Variants in CCSER1 observed in about 807,000 individuals in gnomAD.
CCSER1 encodes the protein serine-rich coiled-coil domain-containing protein 1.
Under a neutral mutation model 82.0 loss-of-function variants are expected in CCSER1, and 41 were observed. That is an observed-to-expected ratio of 0.50 (90% CI 0.39 to 0.65). The LOEUF is 0.65. Among genes scored for constraint, CCSER1 ranks in the 30% least tolerant of loss-of-function variants. The pLI, the probability that CCSER1 is intolerant of heterozygous loss-of-function variation, is 0.00. For synonymous variants in CCSER1, 414 were observed against 383.9 expected (o/e 1.08, Z -0.92); for missense variants, 1,119 against 1,064.2 (o/e 1.05, Z -0.72).
chr4:90,782,755 C>G (rs1753968199), intron 7 of CCSER1, among the ~76,000 whole-genome samples: 2 of 144,530 alleles, frequency 1.4e-5, no homozygotes, highest in African/African-American at 2.6e-5. Flanking sequence ...AATCTTGGCT[C>G]ACTGCAAGCT....
At position 90,768,548 on chromosome 4, in the gene CCSER1, C is replaced by G. The variant is rs916157183; in HGVS notation, c.2010+44557C>G. 2.6e-5 allele frequency among the ~76,000 whole-genome samples: 4 copies of G among 152,144 alleles called. No homozygotes were observed. The East Asian group carries it at 7.7e-4, about 29-fold the overall frequency. On this transcript the variant is annotated intron_variant, in intron 7 of 10. Transcript: ENST00000509176. Reference sequence around the variant, plus strand: ...TGAAGGTAACTTTGGATCTGGTCAGCAGATTTCAAGGAGAATGTTAGTGAA... The same window carrying G: ...TGAAGGTAACTTTGGATCTGGTCAGGAGATTTCAAGGAGAATGTTAGTGAA...
chr4:91,462,572 C>T (rs1054434076), intron 10 of CCSER1, among the ~76,000 whole-genome samples: 5 of 152,164 alleles, frequency 3.3e-5, no homozygotes, highest in Admixed American at 2.6e-4. Flanking sequence ...TCGCCTCACC[C>T]GGGAAGTGCA....
At position 90,308,521 on chromosome 4, in the gene CCSER1, G is replaced by A. The variant is rs780045278; in HGVS notation, c.237G>A (p.Lys79=). 4 of 1,613,940 alleles carry A rather than the reference G, an allele frequency of 2.5e-6. No homozygotes were observed. Among genetic ancestry groups the A allele is most frequent in the Admixed American group, 3.3e-5 (2 of 60,002 alleles). ...ACCATAAGAAGGGGAGTGAGCCTAAGCAAGAGCCTACCAACCAGAACCTTA... is the reference window on the plus strand; with the variant it reads ...ACCATAAGAAGGGGAGTGAGCCTAAACAAGAGCCTACCAACCAGAACCTTA... The part of the protein sequence containing the change: ...SFHHKKGSEP[K]QEPTNQNLSI... The change falls in exon 2 of 11, where the codon AAG becomes AAA. Residue 79 remains lysine (K), a synonymous_variant. Coordinates refer to ENST00000509176, the MANE Select transcript of CCSER1 (RefSeq NM_001145065.2).
chr4:90,435,186 G>T (rs536282598), intron 4 of CCSER1, among the ~76,000 whole-genome samples: 7 of 152,078 alleles, frequency 4.6e-5, no homozygotes, highest in Admixed American at 4.6e-4. Flanking sequence ...ATATATATGC[G>T]TGAAGAATAG....
chr4:90,530,616 T>A (rs574640182), intron 5 of CCSER1, among the ~76,000 whole-genome samples: 16 of 152,166 alleles, frequency 1.1e-4, no homozygotes, highest in Non-Finnish European at 1.9e-4. Context: ...GTGCCACCCA[T>A]TTTTACATCA....
chr4:91,081,935 C>T (rs1338009873), intron 9 of CCSER1, among the ~76,000 whole-genome samples: 2 of 152,158 alleles, frequency 1.3e-5, no homozygotes, highest in African/African-American at 2.4e-5. Flanking sequence ...AATGGAAGAA[C>T]ATTCCATGCT....
At chr4:90,755,145 A>G (rs1361092698) in intron 7 of CCSER1, among the ~76,000 whole-genome samples, 1 of 152,182 alleles carries the variant, frequency 6.6e-6, no homozygotes, top group Non-Finnish European at 1.5e-5. Flanking sequence ...GCCAAACTTC[A>G]CTGCAAATAA....
chr4:90,970,137 T>C (rs913254172), intron 9 of CCSER1, among the ~76,000 whole-genome samples: 8 of 151,962 alleles, frequency 5.3e-5, no homozygotes, highest in African/African-American at 1.9e-4. Context: ...TGGATTAAGC[T>C]TTCCAGTAAA....
chr4:91,161,450 G>T (rs1731389844), intron 10 of CCSER1, among the ~76,000 whole-genome samples: 2 of 152,148 alleles, frequency 1.3e-5, no homozygotes, highest in African/African-American at 4.8e-5. Flanking sequence ...AAAGTCATTG[G>T]TAGCTTGGTG....
rs575442196 is a variant in CCSER1, at chr4:91,025,425, T to C, written c.2173-60525T>C. On this transcript the variant is annotated intron_variant, in intron 9 of 10. Coordinates refer to ENST00000509176, the MANE Select transcript of CCSER1 (RefSeq NM_001145065.2). ...TTCATTCTTTCTCCAGTTTCTGTGC[T>C]GGCACTTTTAGATGATGTGCTGGCA... Among the ~76,000 whole-genome samples the C allele has an allele frequency of 6.6e-5, 10 of 152,266 alleles. No homozygotes were observed. In the East Asian group the frequency reaches 1.9e-3, roughly 29 times the overall value.
At chr4:90,767,703 C>A (rs1439265983) in intron 7 of CCSER1, among the ~76,000 whole-genome samples, 1 of 151,932 alleles carries the variant, frequency 6.6e-6, no homozygotes, top group African/African-American at 2.4e-5. Context: ...GGGTCTCGTT[C>A]TCGCTCTGTC....
At chr4:90,653,541 T>C (rs1729166479) in intron 6 of CCSER1, among the ~76,000 whole-genome samples, 2 of 152,282 alleles carry the variant, frequency 1.3e-5, no homozygotes, top group South Asian at 4.1e-4. Context: ...ATATTAATAA[T>C]ATTTTAATAC....
chr4:91,582,754 C>T (rs1401993303), intron 10 of CCSER1, among the ~76,000 whole-genome samples: 1 of 151,414 alleles, frequency 6.6e-6, no homozygotes, highest in African/African-American at 2.4e-5. Flanking sequence ...TCTATCATCT[C>T]TGATGGGATT....
chr4:90,436,170 TTG>T (rs1408252000), intron 4 of CCSER1, among the ~76,000 whole-genome samples: 4 of 152,018 alleles, frequency 2.6e-5, no homozygotes, highest in Non-Finnish European at 5.9e-5. Flanking sequence ...CAAATTAGGG[TTG>T]TGTTTTTACT....
chr4:90,625,423 G>A (rs567438637), intron 5 of CCSER1, among the ~76,000 whole-genome samples: 2 of 152,252 alleles, frequency 1.3e-5, no homozygotes, highest in Admixed American at 6.5e-5. Flanking sequence ...AAAACAGGAT[G>A]GCTGTGCCGG....
chr4:90,713,726 C>T (rs1333553565), intron 6 of CCSER1, among the ~76,000 whole-genome samples: 5 of 151,852 alleles, frequency 3.3e-5, no homozygotes, highest in African/African-American at 1.2e-4. Flanking sequence ...TGGATGATAT[C>T]CTGGAGTATG....
At chr4:90,793,635 T>C (rs1428794356) in intron 7 of CCSER1, among the ~76,000 whole-genome samples, 1 of 152,178 alleles carries the variant, frequency 6.6e-6, no homozygotes, top group Non-Finnish European at 1.5e-5. Context: ...AATGAACATA[T>C]GTGTGCATGT....
intron 10 of CCSER1, among the ~76,000 whole-genome samples, chr4:91,511,491 AC>A (rs1457999433): frequency 3.9e-5 from 5 of 129,268 alleles, no homozygotes; most frequent in African/African-American, 1.5e-4. Context: ...GTCATGTATA[AC>A]AGGGGGTCCC....
chr4:91,464,700 C>T (rs1756761144), intron 10 of CCSER1, among the ~76,000 whole-genome samples: 1 of 152,072 alleles, frequency 6.6e-6, no homozygotes, highest in South Asian at 2.1e-4. Flanking sequence ...GCAGGACTTG[C>T]AATCCTAGTC....
Sources: allele counts gnomAD v4.1 joint callset (sites outside exome capture counted in the v4.1 genomes callset), GRCh38; gene constraint gnomAD v4.1.1; transcripts MANE v1.5; gene names NCBI Gene and HGNC (gene_info 2026-07-23, HGNC 2026-07-21).